AKAP6: variants seen among roughly 807,000 people sequenced by gnomAD.
AKAP6 encodes A-kinase anchor protein 6.
In AKAP6, 58 loss-of-function variants were observed where a neutral mutation model predicts 188.5. The ratio of observed to expected loss-of-function variants is 0.31; its 90% confidence interval spans 0.25 to 0.38. The LOEUF is 0.38. Among genes scored for constraint, AKAP6 ranks in the 10% least tolerant of loss-of-function variants. AKAP6 has a pLI of 1.00. For synonymous variants in AKAP6, 989 were observed against 998.6 expected (o/e 0.99, Z 0.18); for missense variants, 2,710 against 2,740.0 (o/e 0.99, Z 0.24).
rs1315083324 is a variant in AKAP6 at position 32,366,215 on chromosome 14, T to C, written c.-35+36807T>C. ...CAGGCACCATGCCATAATTCCCCTGTTCATCCTGTCGCTGCCCACTTGCAG... is the reference window on the plus strand; with the variant it reads ...CAGGCACCATGCCATAATTCCCCTGCTCATCCTGTCGCTGCCCACTTGCAG... On this transcript the variant is annotated intron_variant, in intron 1 of 13. Transcript: ENST00000280979. Among the ~76,000 whole-genome samples, 3 of 152,326 alleles carry C rather than the reference T, an allele frequency of 2.0e-5. No individual in the cohort carries two copies. The East Asian group carries it at 5.8e-4, about 29-fold the overall frequency.
chr14:32,632,992 AAAATCATTCT>A (rs768039109), intron 7 of AKAP6, among the ~76,000 whole-genome samples: 5 of 152,166 alleles, frequency 3.3e-5, no homozygotes, highest in Non-Finnish European at 7.4e-5. Flanking sequence ...ATCAGCAAGT[AAAATCATTCT>A]AAATGTAATG....
intron 4 of AKAP6, among the ~76,000 whole-genome samples, chr14:32,575,435 T>C (rs1382958330): frequency 6.6e-6 from 1 of 152,138 alleles, no homozygotes; most frequent in Non-Finnish European, 1.5e-5. Context: ...GAAAATCTTC[T>C]GAGTGATGAC....
chr14:32,339,421 C>A (rs867736052), intron 1 of AKAP6, among the ~76,000 whole-genome samples: 2 of 152,142 alleles, frequency 1.3e-5, no homozygotes, highest in South Asian at 4.2e-4. Flanking sequence ...ATTCTAAATT[C>A]TTCTATTGGA....
chr14:32,605,602 G>A (rs1330285582), intron 7 of AKAP6, among the ~76,000 whole-genome samples: 1 of 152,084 alleles, frequency 6.6e-6, no homozygotes, highest in African/African-American at 2.4e-5. Flanking sequence ...AATTTTTATT[G>A]TCATATTGCA....
chr14:32,557,173 C>T (rs1429805448), intron 4 of AKAP6, among the ~76,000 whole-genome samples: 1 of 152,142 alleles, frequency 6.6e-6, no homozygotes, highest in Non-Finnish European at 1.5e-5. Context: ...CAAGTCTCCA[C>T]CTCCTGGAGC....
At chr14:32,570,394 G>A (rs529972430) in intron 4 of AKAP6, among the ~76,000 whole-genome samples, 5 of 151,502 alleles carry the variant, frequency 3.3e-5, no homozygotes, top group East Asian at 3.9e-4. Flanking sequence ...TGCCCACCTC[G>A]GCCTCTCAAA....
intron 1 of AKAP6, among the ~76,000 whole-genome samples, chr14:32,417,250 G>C (rs147864635): frequency 7.9e-5 from 12 of 152,196 alleles, no homozygotes; most frequent in African/African-American, 2.9e-4. Context: ...TAGTAACCTT[G>C]CCTGAACACA....
intron 11 of AKAP6, among the ~76,000 whole-genome samples, chr14:32,749,871 T>C (rs1315595664): frequency 6.6e-6 from 1 of 152,210 alleles, no homozygotes; most frequent in Non-Finnish European, 1.5e-5. Flanking sequence ...TAACTTGAAG[T>C]CCTTCACAAT....
At chr14:32,403,289 C>G (rs978792583) in intron 1 of AKAP6, 1 of 152,158 alleles carries the variant, frequency 6.6e-6, no homozygotes, top group African/African-American at 2.4e-5. Context: ...CTTGACAAAA[C>G]TATTAATAGG....
At chr14:32,673,518 T>G (rs1379353636) in intron 7 of AKAP6, among the ~76,000 whole-genome samples, 1 of 152,184 alleles carries the variant, frequency 6.6e-6, no homozygotes, top group East Asian at 1.9e-4. Context: ...GTGGATCATC[T>G]GAGCCCAGGA....
intron 2 of AKAP6, among the ~76,000 whole-genome samples, chr14:32,487,032 G>A (rs1879733737): frequency 6.6e-6 from 1 of 152,190 alleles, no homozygotes; most frequent in South Asian, 2.1e-4. Flanking sequence ...ATGAAGTGGT[G>A]TTGAATTTTA....
chr14:32,352,134 TGAAGG>T (rs1566458793), intron 1 of AKAP6, among the ~76,000 whole-genome samples: 4 of 142,572 alleles, frequency 2.8e-5, no homozygotes, highest in Admixed American at 7.2e-5. Context: ...TGTGTGTGTG[TGAAGG>T]GGGTGGGTGT....
At position 32,419,864 on chromosome 14, in the gene AKAP6, TC is replaced by T. The variant is rs1889781381; in HGVS notation, c.-34-13595del. On this transcript the variant is annotated intron_variant, in intron 1 of 13. Transcript: ENST00000280979. ...ATCAACCAAGTTGTACCCCACCCAG[TC>T]TTATGACATTCTCTACAAAAACAAA... is the stretch of plus-strand genomic sequence containing the variant. Among the ~76,000 whole-genome samples the T allele has an allele frequency of 5.9e-5, 9 of 151,842 alleles. No homozygotes were observed. The South Asian group carries it at 1.9e-3, about 32-fold the overall frequency.
At chr14:32,422,412 A>G (rs1354313043) in intron 1 of AKAP6, among the ~76,000 whole-genome samples, 1 of 152,188 alleles carries the variant, frequency 6.6e-6, no homozygotes, top group Non-Finnish European at 1.5e-5. Context: ...AAAGGATACA[A>G]ATAAGAGCCA....
At chr14:32,522,504 C>T (rs1290122829) in intron 2 of AKAP6, among the ~76,000 whole-genome samples, 2 of 151,928 alleles carry the variant, frequency 1.3e-5, no homozygotes, top group African/African-American at 4.8e-5. Context: ...AAAAATCAAA[C>T]AACCCCAACA....
intron 2 of AKAP6, among the ~76,000 whole-genome samples, chr14:32,444,220 G>A (rs1224708925): frequency 2.0e-5 from 3 of 152,148 alleles, no homozygotes; most frequent in Admixed American, 2.0e-4. Flanking sequence ...AGACAGTTAT[G>A]AGGCTGTTGA....
intron 12 of AKAP6, among the ~76,000 whole-genome samples, chr14:32,800,811 T>C (rs945356633): frequency 5.3e-5 from 8 of 152,046 alleles, no homozygotes; most frequent in African/African-American, 1.9e-4. Flanking sequence ...GCTCAGAAAT[T>C]CGAGACCAAC....
intron 12 of AKAP6, among the ~76,000 whole-genome samples, chr14:32,820,846 A>G (rs1439476074): frequency 1.3e-5 from 2 of 152,174 alleles, no homozygotes; most frequent in African/African-American, 4.8e-5. Flanking sequence ...GGGGGTACAC[A>G]GTCATGTGCC....
At chr14:32,732,205 T>G (rs1479351740) in intron 9 of AKAP6, among the ~76,000 whole-genome samples, 1 of 152,008 alleles carries the variant, frequency 6.6e-6, no homozygotes, top group Non-Finnish European at 1.5e-5. Flanking sequence ...AGATCAAATA[T>G]GTGTATAAAC....
Sources: gnomAD v4.1 joint callset for allele counts (sites outside exome capture counted in the v4.1 genomes callset) on GRCh38, gnomAD v4.1.1 for gene constraint, MANE v1.5 for transcripts, NCBI Gene and HGNC (gene_info 2026-07-23, HGNC 2026-07-21) for gene names.